Variants in PLCZ1 observed in about 807,000 individuals in gnomAD.
The protein encoded by PLCZ1 is 1-phosphatidylinositol 4,5-bisphosphate phosphodiesterase zeta-1.
In PLCZ1, 64 loss-of-function variants were observed where a neutral mutation model predicts 76.8. The observed-to-expected ratio is 0.83, with a 90% CI of 0.68 to 1.03. The LOEUF (loss-of-function observed/expected upper bound fraction) is 1.03. PLCZ1 is among the 50% of genes least tolerant of loss of function. The pLI, the probability that PLCZ1 is intolerant of heterozygous loss-of-function variation, is 0.00. For missense variants in PLCZ1, 751 were observed against 713.7 expected, an observed-to-expected ratio of 1.05 and a Z score of -0.60; for synonymous variants, 248 against 230.8, an observed-to-expected ratio of 1.07 and a Z score of -0.68.
At chr12:18,712,333 G>C (rs979578909) in intron 6 of PLCZ1, among the ~76,000 whole-genome samples, 10 of 152,116 alleles carry the variant, frequency 6.6e-5, no homozygotes, top group Middle Eastern at 3.4e-3. Context: ...TCAAATTCTA[G>C]GAATAACTAT....
chr12:18,728,579 T>A (rs1304770734), intron 3 of PLCZ1, among the ~76,000 whole-genome samples: 2 of 152,126 alleles, frequency 1.3e-5, no homozygotes, highest in Non-Finnish European at 2.9e-5. Flanking sequence ...GGAGAAGGAC[T>A]GATCACAGAT....
intron 3 of PLCZ1, among the ~76,000 whole-genome samples, chr12:18,731,356 C>CT (rs1214936059): frequency 6.6e-6 from 1 of 151,996 alleles, no homozygotes; most frequent in Non-Finnish European, 1.5e-5. Context: ...ATCAGGTAGG[C>CT]TTACTGCCCA....
chr12:18,726,986 CAG>C (rs1958788062), intron 3 of PLCZ1, among the ~76,000 whole-genome samples: 1 of 152,054 alleles, frequency 6.6e-6, no homozygotes, highest in Non-Finnish European at 1.5e-5. Context: ...AACATATTGT[CAG>C]TGCCCTCTGG....
At chr12:18,646,793 A>G in the PLCZ1 span, among the ~76,000 whole-genome samples, 2 of 152,106 alleles carry the variant, frequency 1.3e-5, no homozygotes, top group African/African-American at 4.8e-5. Context: ...CTTTCATGAT[A>G]AATAACTAAT....
the PLCZ1 span, among the ~76,000 whole-genome samples, chr12:18,657,931 C>T: frequency 6.6e-6 from 1 of 151,934 alleles, no homozygotes; most frequent in Non-Finnish European, 1.5e-5. Context: ...AAGGAAACCA[C>T]ATACAAAGAA....
chr12:18,703,271 T>A (rs943705346), intron 7 of PLCZ1, among the ~76,000 whole-genome samples: 1 of 152,178 alleles, frequency 6.6e-6, no homozygotes, highest in South Asian at 2.1e-4. Context: ...ACACAGTTCA[T>A]TTTTTTCTGT....
At chr12:18,684,053 T>TATG in intron 14 of PLCZ1, 77 bp downstream of exon 14, 2 of 1,492,070 alleles carry the variant, frequency 1.3e-6, no homozygotes, top group South Asian at 2.3e-5. Context: ...AGCTATTTGG[T>TATG]ATGTCAAAAT....
At chr12:18,729,027 C>T (rs934853878) in intron 3 of PLCZ1, among the ~76,000 whole-genome samples, 3 of 151,932 alleles carry the variant, frequency 2.0e-5, no homozygotes, top group Admixed American at 2.0e-4. Flanking sequence ...ATACTAGCTT[C>T]CAATCCATTC....
At chr12:18,646,626 T>C in the PLCZ1 span, among the ~76,000 whole-genome samples, 118,899 of 152,062 alleles carry the variant, frequency 0.78, 46,859 homozygotes, top group East Asian at 0.94. Flanking sequence ...AAGTTGTCTC[T>C]TCTGCTTCTT....
chr12:18,678,122 G>A, the PLCZ1 span, among the ~76,000 whole-genome samples: 13 of 152,034 alleles, frequency 8.6e-5, no homozygotes, highest in Admixed American at 7.2e-4. Context: ...ACAGAGTCTA[G>A]AACAGTGCTT....
At chr12:18,682,952 A>C (rs1008942019), downstream of PLCZ1, among the ~76,000 whole-genome samples, 1 of 152,004 alleles carries the variant, frequency 6.6e-6, no homozygotes, top group Non-Finnish European at 1.5e-5. Context: ...AAAGCTTATA[A>C]ATTCTAGTAA....
chr12:18,681,880 G>A (rs1390563697), downstream of PLCZ1, among the ~76,000 whole-genome samples: 8 of 151,910 alleles, frequency 5.3e-5, no homozygotes, highest in Non-Finnish European at 8.8e-5. Context: ...TGTAAAACTC[G>A]CTTGATTAAA....
chr12:18,697,499 T>C (rs1955240788), intron 10 of PLCZ1, among the ~76,000 whole-genome samples: 1 of 152,118 alleles, frequency 6.6e-6, no homozygotes, highest in Non-Finnish European at 1.5e-5. Context: ...ATGACTAAGG[T>C]CTCATAACAT....
At chr12:18,717,617 A>T (rs541936555) in intron 5 of PLCZ1, among the ~76,000 whole-genome samples, 21 of 152,226 alleles carry the variant, frequency 1.4e-4, no homozygotes, top group Admixed American at 2.0e-4. Flanking sequence ...TAGCATGGAA[A>T]CCACAGAACC....
chr12:18,685,454 A>G, intron 13 of PLCZ1: 1 of 207,422 alleles, frequency 4.8e-6, no homozygotes, highest in Non-Finnish European at 1.1e-5. Flanking sequence ...GCAATGCTAC[A>G]CTTGCTATGT....
intron 13 of PLCZ1, among the ~76,000 whole-genome samples, chr12:18,686,890 A>T (rs1953234935): frequency 6.6e-6 from 1 of 152,090 alleles, no homozygotes; most frequent in South Asian, 2.1e-4. Flanking sequence ...CTGCAAGGAT[A>T]TTCCCATAAA....
intron 10 of PLCZ1, 76 bp from the exon 11 acceptor site, chr12:18,696,342 A>ATATATATATATATATATATATATG: frequency 4.1e-6 from 1 of 246,242 alleles, no homozygotes; most frequent in African/African-American, 2.8e-5. Flanking sequence ...ATATATATAT[A>ATATATATATATATATATATATATG]TATATATATC....
chr12:18,713,754 C>T (rs1394486623), intron 5 of PLCZ1: 1 of 152,166 alleles, frequency 6.6e-6, no homozygotes, highest in Admixed American at 6.5e-5. Context: ...TACAAGTTCA[C>T]AGCTTTATCA....
At chr12:18,680,727 G>C (rs535304), downstream of PLCZ1, among the ~76,000 whole-genome samples, 24,358 of 152,034 alleles carry the variant, frequency 0.16, 3,104 homozygotes, top group African/African-American at 0.36. Context: ...TACAAAAGGA[G>C]ACACAACATG....
Sources: allele counts gnomAD v4.1 joint callset (sites outside exome capture counted in the v4.1 genomes callset), GRCh38; gene constraint gnomAD v4.1.1; transcripts MANE v1.5; gene names NCBI Gene and HGNC (gene_info 2026-07-23, HGNC 2026-07-21).